Variants in LYRM4 observed in about 807,000 individuals in gnomAD.
The protein encoded by LYRM4 is LYR motif containing 4, also known as LYR motif-containing protein 4.
LYRM4 carries 9 observed loss-of-function variants against 11.7 expected under a neutral mutation model. That is an observed-to-expected ratio of 0.77 (90% confidence interval 0.46 to 1.34). The LOEUF (loss-of-function observed/expected upper bound fraction) is 1.34. Among genes scored for constraint, LYRM4 ranks in the 40% most tolerant of loss-of-function variants. The pLI is 0.00. For synonymous variants in LYRM4, 42 were observed against 40.4 expected, an observed-to-expected ratio of 1.04 and a Z score of -0.15; for missense variants, 133 against 112.5, an observed-to-expected ratio of 1.18 and a Z score of -0.82.
downstream of LYRM4, chr6:5,104,229 A>T (rs1762593384): frequency 6.6e-6 from 1 of 152,146 alleles, no homozygotes; most frequent in African/African-American, 2.4e-5. Context: ...TGCTCTACAG[A>T]GTTACGGGTA....
At chr6:5,253,623 T>C (rs1764534224) in intron 1 of LYRM4, among the ~76,000 whole-genome samples, 1 of 152,140 alleles carries the variant, frequency 6.6e-6, no homozygotes, top group East Asian at 1.9e-4. Flanking sequence ...CAAGAAGTTT[T>C]GCAAAGGAGA....
chr6:5,057,522 G>T, the LYRM4 span, among the ~76,000 whole-genome samples: 4 of 151,964 alleles, frequency 2.6e-5, no homozygotes, highest in African/African-American at 4.8e-5. Flanking sequence ...TTCGAGACCA[G>T]CCTGGCCAAG....
intron 2 of LYRM4, among the ~76,000 whole-genome samples, chr6:5,213,514 G>A (rs548247747): frequency 3.3e-5 from 5 of 152,316 alleles, no homozygotes; most frequent in African/African-American, 9.6e-5. Flanking sequence ...TGGTGGAACC[G>A]TGAAGCTGGG....
intron 1 of LYRM4, among the ~76,000 whole-genome samples, chr6:5,245,095 A>T (rs1251557119): frequency 0.02 from 582 of 28,956 alleles, 39 homozygotes; most frequent in African/African-American, 0.027. Flanking sequence ...ACCTTAAAAA[A>T]AAAAAAAAAA....
At chr6:5,233,435 G>A (rs1763359028) in intron 1 of LYRM4, among the ~76,000 whole-genome samples, 1 of 152,174 alleles carries the variant, frequency 6.6e-6, no homozygotes, top group African/African-American at 2.4e-5. Flanking sequence ...CCTGGAACGT[G>A]AGAAGAAAAG....
intron 2 of LYRM4, chr6:5,136,962 AAG>A: frequency 4.7e-6 from 2 of 423,646 alleles, no homozygotes; most frequent in Non-Finnish European, 6.3e-6. Context: ...CATTACCCCC[AAG>A]GAAACACTAC....
At chr6:5,218,204 G>C (rs1762387562) in intron 1 of LYRM4, 1 of 962,434 alleles carries the variant, frequency 1.0e-6, no homozygotes, top group African/African-American at 1.8e-5. Context: ...ACAGTGCCTG[G>C]CTCTCTCGTC....
At chr6:5,117,847 C>T (rs556699787) in intron 2 of LYRM4, among the ~76,000 whole-genome samples, 5 of 151,976 alleles carry the variant, frequency 3.3e-5, no homozygotes, top group Admixed American at 2.0e-4. Flanking sequence ...ATACTGCACT[C>T]TAGTCTCAGC....
At chr6:5,133,645 T>G (rs566316651) in intron 2 of LYRM4, among the ~76,000 whole-genome samples, 100 of 152,340 alleles carry the variant, frequency 6.6e-4, no homozygotes, top group Non-Finnish European at 1.2e-3. Context: ...TTTAAACCAC[T>G]TCAAAGTGCG....
intron 2 of LYRM4, among the ~76,000 whole-genome samples, chr6:5,155,092 A>G (rs978182872): frequency 6.6e-6 from 1 of 151,854 alleles, no homozygotes; most frequent in Admixed American, 6.6e-5. Context: ...TATTATTATT[A>G]TTTTTTTGAG....
At position 5,109,261 on chromosome 6, in the gene LYRM4, C is replaced by T; in HGVS notation, c.*162G>A. 2.7e-6 allele frequency: 4 copies of T among 1,489,326 alleles called. No individual in the cohort carries two copies. Among genetic ancestry groups the T allele is most frequent in the Non-Finnish European group, 3.6e-6 (4 of 1,119,606 alleles). The allele number at this position is 1,489,326 out of a possible 1,614,324, so 92.3% of individuals were successfully genotyped here. ...AAGGAAAGACAGCAGTCCTTTTTCA[C>T]TAAGCCTGCAACAGAATGCAAATGT... On this transcript the variant is annotated 3_prime_UTR_variant, in exon 3 of 3. Coordinates refer to ENST00000330636, the MANE Select transcript of LYRM4 (RefSeq NM_020408.6).
intron 2 of LYRM4, among the ~76,000 whole-genome samples, chr6:5,176,004 C>T (rs1759694383): frequency 6.6e-6 from 1 of 152,074 alleles, no homozygotes; most frequent in South Asian, 2.1e-4. Context: ...TGTGCACTAT[C>T]AGCATTCCCG....
the LYRM4 span, among the ~76,000 whole-genome samples, chr6:5,053,503 CGTA>C: frequency 1.5e-3 from 222 of 151,898 alleles, no homozygotes; most frequent in African/African-American, 5.1e-3. Context: ...GGCTTGCACT[CGTA>C]GTTCCAGCTA....
At chr6:5,040,982 T>C in the LYRM4 span, among the ~76,000 whole-genome samples, 53 of 152,182 alleles carry the variant, frequency 3.5e-4, 1 homozygote, top group East Asian at 9.9e-3. Flanking sequence ...GACTTGACCA[T>C]GTTCTTTGAA....
intron 2 of LYRM4, among the ~76,000 whole-genome samples, chr6:5,148,629 TAGGTGAC>T (rs1464097145): frequency 6.9e-6 from 1 of 145,320 alleles, no homozygotes; most frequent in Non-Finnish European, 1.5e-5. Flanking sequence ...GAATTCATAT[TAGGTGAC>T]AGGTAATGAC....
chr6:5,229,067 T>C (rs1470945371), intron 1 of LYRM4, among the ~76,000 whole-genome samples: 1 of 150,364 alleles, frequency 6.7e-6, no homozygotes, highest in Non-Finnish European at 1.5e-5. Flanking sequence ...ATAGTACAGT[T>C]CCCATGAGAA....
intron 2 of LYRM4, among the ~76,000 whole-genome samples, chr6:5,118,094 A>ATATATATATTTTT: frequency 1.8e-3 from 151 of 86,088 alleles, no homozygotes; most frequent in African/African-American, 4.8e-3. Flanking sequence ...ATATATATAT[A>ATATATATATTTTT]TTTTTGTTTT....
intron 1 of LYRM4, among the ~76,000 whole-genome samples, chr6:5,247,907 T>C (rs988051324): frequency 6.6e-6 from 1 of 152,160 alleles, no homozygotes; most frequent in Non-Finnish European, 1.5e-5. Flanking sequence ...ATCGGCAAAT[T>C]ATTAACATTA....
intron 1 of LYRM4, among the ~76,000 whole-genome samples, chr6:5,260,367 C>T (rs1353827408): frequency 6.6e-6 from 1 of 152,232 alleles, no homozygotes; most frequent in Admixed American, 6.5e-5. Flanking sequence ...AAACATAACA[C>T]TAATCATGCT....
Sources: gnomAD v4.1 joint callset for allele counts (sites outside exome capture counted in the v4.1 genomes callset) on GRCh38, gnomAD v4.1.1 for gene constraint, MANE v1.5 for transcripts, NCBI Gene and HGNC (gene_info 2026-07-23, HGNC 2026-07-21) for gene names.